The following CDK15 variants were observed in gnomAD, a reference collection of about 807,000 sequenced individuals.
CDK15 encodes the protein cyclin-dependent kinase 15.
A neutral mutation model predicts 60.3 loss-of-function variants in CDK15; 62 were observed. The ratio of observed to expected loss-of-function variants is 1.03; its 90% CI spans 0.84 to 1.27. The LOEUF (loss-of-function observed/expected upper bound fraction) is 1.27, where lower values mean the gene tolerates loss of function less well. Ranked by LOEUF, CDK15 falls within the 50% of genes most tolerant of loss-of-function variation. CDK15 has a pLI of 0.00. For synonymous variants in CDK15, 194 were observed against 195.7 expected (o/e 0.99, Z 0.07); for missense variants, 541 against 527.8 (o/e 1.03, Z -0.25).
rs200064544 is a variant in CDK15, at chr2:201,880,173, C to T, written c.1198+6C>T. The T allele has an allele frequency of 3.1e-6, 5 of 1,613,596 alleles. No individual in the cohort carries two copies. Among genetic ancestry groups the T allele is most frequent in the South Asian group, 2.2e-5 (2 of 90,994 alleles). ...GCTGTACCAGCTTCCTGATGGTGAG[C>T]GAGGGAGTGTGTGCGTGTGCGTGAG... On this transcript the variant is annotated splice_donor_region_variant and intron_variant, in intron 12 of 13. Coordinates refer to ENST00000652192, the MANE Select transcript of CDK15 (RefSeq NM_001366386.2).
intron 10 of CDK15, chr2:201,861,148 A>C (rs1698376276): frequency 1.6e-5 from 16 of 1,026,708 alleles, no homozygotes; most frequent in Non-Finnish European, 1.9e-5. Flanking sequence ...CCCTTTTACT[A>C]TCTGGGGTAA....
intron 8 of CDK15, among the ~76,000 whole-genome samples, chr2:201,844,871 G>C (rs72928841): frequency 0.2 from 30,783 of 152,062 alleles, 3,338 homozygotes; most frequent in South Asian, 0.37. Context: ...CAATAAGGCC[G>C]GGTGTGGTGG....
chr2:201,852,309 C>T (rs1697947253), intron 9 of CDK15, among the ~76,000 whole-genome samples: 1 of 152,114 alleles, frequency 6.6e-6, no homozygotes, highest in Non-Finnish European at 1.5e-5. Flanking sequence ...AGCAATGGGT[C>T]CATTCTAAAT....
At chr2:201,828,083 TTGAC>T (rs1483768611) in intron 6 of CDK15, among the ~76,000 whole-genome samples, 1 of 152,212 alleles carries the variant, frequency 6.6e-6, no homozygotes, top group Non-Finnish European at 1.5e-5. Flanking sequence ...GGTTTTGTGT[TTGAC>T]TGACGAGGAG....
At chr2:201,828,129 G>T (rs1427910277) in intron 6 of CDK15, among the ~76,000 whole-genome samples, 1 of 152,190 alleles carries the variant, frequency 6.6e-6, no homozygotes, top group Non-Finnish European at 1.5e-5. Flanking sequence ...AATAGGAGAA[G>T]AAGTTGGTTT....
At chr2:201,820,702 G>A (rs1038005441) in intron 4 of CDK15, among the ~76,000 whole-genome samples, 2 of 152,076 alleles carry the variant, frequency 1.3e-5, no homozygotes, top group Non-Finnish European at 2.9e-5. Context: ...ACTAGGTGGT[G>A]TGGCAGCATC....
chr2:201,815,761 G>T (rs1228746428), intron 4 of CDK15, among the ~76,000 whole-genome samples: 2 of 152,146 alleles, frequency 1.3e-5, no homozygotes, highest in African/African-American at 4.8e-5. Context: ...TTCTTAGGAA[G>T]GAGTCATATA....
At chr2:201,870,744 T>C (rs1698823925) in intron 10 of CDK15, among the ~76,000 whole-genome samples, 2 of 152,106 alleles carry the variant, frequency 1.3e-5, no homozygotes, top group South Asian at 4.2e-4. Flanking sequence ...ACAAACAAAA[T>C]AATTACATTT....
rs1192078063 is a variant in CDK15, at chr2:201,833,930, T to C, written c.689T>C (p.Leu230Ser). 4 of 1,613,980 alleles carry C rather than the reference T, an allele frequency of 2.5e-6. No individual in the cohort carries two copies. In the Admixed American group the frequency reaches 5.0e-5, roughly 20 times the overall value. ...CACAGGGACCTGAAACCTCAGAACT[T>C]ACTCATCAGTCACCTGGGAGAGCTC... The part of the protein sequence containing the change: ...VLHRDLKPQN[L>S]LISHLGELKL... Residue 230 changes from leucine (L) to serine (S), a missense_variant, in exon 7 of 14, where the codon TTA (leucine) becomes TCA (serine). Transcript: ENST00000652192.
At chr2:201,811,080 C>T (rs1330971757) in intron 3 of CDK15, among the ~76,000 whole-genome samples, 2 of 151,144 alleles carry the variant, frequency 1.3e-5, no homozygotes, top group East Asian at 3.9e-4. Flanking sequence ...CGAGCTCAGG[C>T]AATCCACCCA....
intron 6 of CDK15, among the ~76,000 whole-genome samples, chr2:201,832,918 T>C (rs1234483551): frequency 6.6e-6 from 1 of 152,248 alleles, no homozygotes; most frequent in Non-Finnish European, 1.5e-5. Flanking sequence ...ACGTTCTCAG[T>C]TGACATACGT....
intron 13 of CDK15, among the ~76,000 whole-genome samples, chr2:201,892,472 C>A (rs1178914006): frequency 6.6e-6 from 1 of 152,098 alleles, no homozygotes; most frequent in Non-Finnish European, 1.5e-5. Flanking sequence ...TGACCTTCCA[C>A]AAAAAATTGC....
At chr2:201,831,108 G>A (rs1163836927) in intron 6 of CDK15, among the ~76,000 whole-genome samples, 6 of 152,196 alleles carry the variant, frequency 3.9e-5, no homozygotes, top group African/African-American at 1.2e-4. Flanking sequence ...AGTATGTTGG[G>A]AGGAAAAGGA....
At chr2:201,887,268 G>A (rs541058851) in intron 12 of CDK15, among the ~76,000 whole-genome samples, 72 of 152,228 alleles carry the variant, frequency 4.7e-4, no homozygotes, top group African/African-American at 1.6e-3. Flanking sequence ...ATACAAAATT[G>A]CATATTATAA....
chr2:201,822,831 A>G lies in CDK15; in HGVS notation c.471A>G (p.Lys157=). Residue 157 remains lysine (K), a synonymous_variant, in exon 5 of 14, where the codon AAA becomes AAG. Transcript: ENST00000652192. ...TAGCTTCTCTCCTGAAGGGTTTGAA[A>G]CATGCCAATATTGTGCTCCTGCATG... The part of the protein sequence containing the change: ...IREASLLKGL[K]HANIVLLHDI... 1 of 1,611,782 alleles carries G rather than the reference A, an allele frequency of 6.2e-7. No homozygotes were observed. Among genetic ancestry groups the G allele is most frequent in the Non-Finnish European group, 8.5e-7 (1 of 1,177,984 alleles).
intron 10 of CDK15, among the ~76,000 whole-genome samples, chr2:201,855,252 A>G (rs1429381788): frequency 6.6e-6 from 1 of 152,206 alleles, no homozygotes; most frequent in Admixed American, 6.5e-5. Context: ...AGATGGGCTC[A>G]CTTTTGGGCC....
chr2:201,819,802 G>A (rs762107165), intron 4 of CDK15, among the ~76,000 whole-genome samples: 8 of 152,162 alleles, frequency 5.3e-5, no homozygotes, highest in Non-Finnish European at 8.8e-5. Flanking sequence ...AAAGATTTCC[G>A]CAAAGAAACT....
chr2:201,878,195 T>A (rs1699151289), intron 11 of CDK15, among the ~76,000 whole-genome samples: 1 of 152,230 alleles, frequency 6.6e-6, no homozygotes, highest in South Asian at 2.1e-4. Flanking sequence ...GTGTGGGTTG[T>A]GGAGTTGGGT....
intron 6 of CDK15, among the ~76,000 whole-genome samples, chr2:201,825,976 C>G (rs914838169): frequency 6.6e-6 from 1 of 152,178 alleles, no homozygotes; most frequent in African/African-American, 2.4e-5. Context: ...TTGAGTGACT[C>G]TCACATACCA....
Sources: gnomAD v4.1 joint callset for allele counts (sites outside exome capture counted in the v4.1 genomes callset) on GRCh38, gnomAD v4.1.1 for gene constraint, MANE v1.5 for transcripts, NCBI Gene and HGNC (gene_info 2026-07-23, HGNC 2026-07-21) for gene names.